CCSER1: variants seen among roughly 807,000 people sequenced by gnomAD.
CCSER1 encodes the protein serine-rich coiled-coil domain-containing protein 1.
CCSER1 carries 41 observed loss-of-function variants against 82.0 expected under a neutral mutation model. The ratio of observed to expected loss-of-function variants is 0.50; its 90% CI spans 0.39 to 0.65. The LOEUF (loss-of-function observed/expected upper bound fraction) is 0.65. CCSER1 is among the 30% of genes least tolerant of loss of function. CCSER1 has a pLI of 0.00. For missense variants in CCSER1, 1,119 were observed against 1,064.2 expected, an observed-to-expected ratio of 1.05 and a Z score of -0.72; for synonymous variants, 414 against 383.9, an observed-to-expected ratio of 1.08 and a Z score of -0.92.
chr4:90,325,671 A>C (rs745564068), intron 3 of CCSER1: 1 of 447,990 alleles, frequency 2.2e-6, no homozygotes, highest in South Asian at 1.6e-5. Flanking sequence ...CAGTAAACTA[A>C]CTACCTGTTC....
chr4:90,929,008 A>C (rs576706001), intron 9 of CCSER1, among the ~76,000 whole-genome samples: 2 of 152,254 alleles, frequency 1.3e-5, no homozygotes, highest in East Asian at 3.9e-4. Context: ...GCGTAAAATC[A>C]ACCACACAGT....
intron 10 of CCSER1, among the ~76,000 whole-genome samples, chr4:91,498,421 A>C (rs551587360): frequency 6.7e-6 from 1 of 149,548 alleles, no homozygotes; most frequent in South Asian, 2.1e-4. Flanking sequence ...ATAGAAAATC[A>C]CTCCTGAGTT....
At chr4:90,134,734 G>A (rs972969944) in intron 1 of CCSER1, among the ~76,000 whole-genome samples, 1 of 152,252 alleles carries the variant, frequency 6.6e-6, no homozygotes, top group African/African-American at 2.4e-5. Flanking sequence ...AAGGAAATAT[G>A]TTCACTGCTG....
In CCSER1 at chr4:90,400,285, A is replaced by G. The variant is rs77151458; in HGVS notation, c.1603+156A>G. Among the ~76,000 whole-genome samples, 234 of 152,210 alleles carry G rather than the reference A, an allele frequency of 1.5e-3. 3 individuals are homozygous for G. Among genetic ancestry groups the G allele is most frequent in the Admixed American group, 3.1e-3 (48 of 15,286 alleles). ...AACATGCTAGGTACCATGGAGACAT[A>G]ATTTGGGTGCGTTAAATGATTTTAA... On this transcript the variant is annotated intron_variant, in intron 4 of 10. Coordinates refer to ENST00000509176, the MANE Select transcript of CCSER1 (RefSeq NM_001145065.2).
At chr4:90,888,802 A>G (rs1316802898) in intron 8 of CCSER1, among the ~76,000 whole-genome samples, 1 of 152,178 alleles carries the variant, frequency 6.6e-6, no homozygotes, top group Non-Finnish European at 1.5e-5. Context: ...GTACAGGGTC[A>G]CTTGATGTTA....
At chr4:90,995,798 T>C (rs1443011942) in intron 9 of CCSER1, among the ~76,000 whole-genome samples, 4 of 152,208 alleles carry the variant, frequency 2.6e-5, no homozygotes, top group Middle Eastern at 6.8e-3. Context: ...TTTAGAACCA[T>C]AAAAGATCCA....
chr4:90,192,516 C>T (rs1015106123), intron 1 of CCSER1, among the ~76,000 whole-genome samples: 2 of 152,010 alleles, frequency 1.3e-5, no homozygotes, highest in Non-Finnish European at 2.9e-5. Context: ...CCTGGATTTG[C>T]GACCATTGCC....
intron 8 of CCSER1, among the ~76,000 whole-genome samples, chr4:90,863,538 G>A (rs1765351713): frequency 6.6e-6 from 1 of 151,098 alleles, no homozygotes; most frequent in Non-Finnish European, 1.5e-5. Context: ...ATTTTTCTTT[G>A]CGTTTCTTTT....
chr4:90,232,375 G>T (rs1326525546), intron 1 of CCSER1, among the ~76,000 whole-genome samples: 1 of 151,922 alleles, frequency 6.6e-6, no homozygotes, highest in Non-Finnish European at 1.5e-5. Flanking sequence ...AATGGGGAAA[G>T]GATTCCCTAT....
intron 6 of CCSER1, among the ~76,000 whole-genome samples, chr4:90,649,333 TA>T (rs1455317550): frequency 2.6e-5 from 4 of 152,210 alleles, no homozygotes; most frequent in African/African-American, 9.6e-5. Flanking sequence ...ATTACTATTA[TA>T]AACAGTATGC....
At chr4:91,524,696 A>G (rs1169141490) in intron 10 of CCSER1, among the ~76,000 whole-genome samples, 1 of 152,196 alleles carries the variant, frequency 6.6e-6, no homozygotes, top group African/African-American at 2.4e-5. Context: ...GGGAAACCGT[A>G]GTTATTTACA....
In CCSER1 at chr4:90,530,604, T is replaced by G. The variant is rs2153630061; in HGVS notation, c.1724+62250T>G. Reference sequence around the variant, plus strand: ...AAAAGCTGGTGATTTCTCAGAACTGTGGTGCCACCCATTTTTACATCAAAT... The same window carrying G: ...AAAAGCTGGTGATTTCTCAGAACTGGGGTGCCACCCATTTTTACATCAAAT... On this transcript the variant is annotated intron_variant, in intron 5 of 10. Transcript: ENST00000509176. Among the ~76,000 whole-genome samples, 3 of 152,300 alleles carry G rather than the reference T, an allele frequency of 2.0e-5. No individual in the cohort carries two copies. In the South Asian group the frequency reaches 6.2e-4, roughly 32 times the overall value.
In CCSER1 at chr4:91,437,856, G is replaced by A. The variant is rs967927064; in HGVS notation, c.2218-160716G>A. Among the ~76,000 whole-genome samples the A allele has an allele frequency of 8.5e-5, 13 of 152,350 alleles. No individual in the cohort carries two copies. In the South Asian group the frequency reaches 1.7e-3, roughly 19 times the overall value. On this transcript the variant is annotated intron_variant, in intron 10 of 10. Transcript: ENST00000509176. ...TCGCACCTGGTTTGGAGGGTCCTAC[G>A]CCCACAGAGTCTTGCTGATTGCTAG...
chr4:90,260,680 G>A (rs1008727935), intron 1 of CCSER1, among the ~76,000 whole-genome samples: 12 of 152,044 alleles, frequency 7.9e-5, no homozygotes, highest in Admixed American at 6.6e-5. Context: ...GAAGACAGTA[G>A]ATATTGTTTG....
At chr4:90,206,988 C>T (rs62313895) in intron 1 of CCSER1, among the ~76,000 whole-genome samples, 56,146 of 151,496 alleles carry the variant, frequency 0.37, 10,581 homozygotes, top group South Asian at 0.48. Context: ...TTATCAGAGA[C>T]GAGGATTGCA....
chr4:90,916,664 G>A (rs370034991), intron 8 of CCSER1, among the ~76,000 whole-genome samples: 3 of 152,166 alleles, frequency 2.0e-5, no homozygotes, highest in South Asian at 4.2e-4. Context: ...TTAAGAAATG[G>A]GATCTAATTA....
At chr4:91,518,133 G>C (rs1017623174) in intron 10 of CCSER1, among the ~76,000 whole-genome samples, 4 of 152,208 alleles carry the variant, frequency 2.6e-5, no homozygotes, top group African/African-American at 4.8e-5. Flanking sequence ...GCATGCAGCA[G>C]CTCTGGGGTG....
At chr4:90,460,003 A>G (rs920870065) in intron 4 of CCSER1, among the ~76,000 whole-genome samples, 1 of 152,208 alleles carries the variant, frequency 6.6e-6, no homozygotes, top group Admixed American at 6.5e-5. Flanking sequence ...AAAAAATTTC[A>G]CAACGAAATA....
At chr4:90,203,047 T>C (rs1213025394) in intron 1 of CCSER1, among the ~76,000 whole-genome samples, 1 of 152,214 alleles carries the variant, frequency 6.6e-6, no homozygotes, top group East Asian at 1.9e-4. Flanking sequence ...GTATAATTAC[T>C]TAACACTCAC....
Sources: allele counts gnomAD v4.1 joint callset (sites outside exome capture counted in the v4.1 genomes callset), GRCh38; gene constraint gnomAD v4.1.1; transcripts MANE v1.5; gene names NCBI Gene and HGNC (gene_info 2026-07-23, HGNC 2026-07-21).